FBXO31: variants seen among roughly 807,000 people sequenced by gnomAD.
The protein encoded by FBXO31 is F-box protein 31, also known as F-box only protein 31.
FBXO31 carries 24 observed loss-of-function variants against 54.4 expected under a neutral mutation model. The observed-to-expected ratio is 0.44, with a 90% CI of 0.32 to 0.62. FBXO31 has a LOEUF of 0.62. Among genes scored for constraint, FBXO31 ranks in the 20% least tolerant of loss-of-function variants. The probability of loss-of-function intolerance (pLI) is 0.05; values close to 1 mark genes in which losing one functional copy is unlikely to be tolerated. For synonymous variants in FBXO31, 388 were observed against 335.6 expected (o/e 1.16, Z -1.71); for missense variants, 665 against 787.1 (o/e 0.84, Z 1.86).
chr16:87,360,158 A>G, intron 2 of FBXO31, 137 bp downstream of exon 2: 1 of 758,380 alleles, frequency 1.3e-6, no homozygotes, highest in Non-Finnish European at 2.3e-6. Flanking sequence ...CCAGTGCTCT[A>G]TTCAAAATGT....
At chr16:87,360,404 A>G (rs973262203) in intron 1 of FBXO31, 38 bp from the exon 2 acceptor site, 6 of 1,592,468 alleles carry the variant, frequency 3.8e-6, no homozygotes, top group Admixed American at 3.3e-5. Flanking sequence ...TAAGATCAAC[A>G]ACTCATAACG....
At chr16:87,344,321 C>T (rs577642248) in intron 3 of FBXO31, among the ~76,000 whole-genome samples, 12 of 152,334 alleles carry the variant, frequency 7.9e-5, no homozygotes, top group African/African-American at 1.7e-4. Context: ...GCCAAGACCC[C>T]GGGAGGGGCG....
intron 1 of FBXO31, among the ~76,000 whole-genome samples, chr16:87,368,527 G>A (rs873222): frequency 0.099 from 15,029 of 151,954 alleles, 842 homozygotes; most frequent in East Asian, 0.26. Flanking sequence ...CGGCCAGCAC[G>A]ACCTGTGCTG....
At position 87,346,595 on chromosome 16, in the gene FBXO31, G is replaced by A. The variant is rs923096411; in HGVS notation, c.489+579C>T. Among the ~76,000 whole-genome samples, 6 of 152,200 alleles carry A rather than the reference G, an allele frequency of 3.9e-5. No homozygotes were observed. Among genetic ancestry groups the A allele is most frequent in the African/African-American group, 7.2e-5 (3 of 41,442 alleles). On this transcript the variant is annotated intron_variant, in intron 3 of 8. Transcript: ENST00000311635. This position sits in a 1 kb window ranked among gnomAD's most constrained non-coding sequence, Gnocchi z 4.2. ...AACGGCAAGCAGGCTGCCGGGAGAAGGGAAACGGAGACGACTCTGCCACCA... is the reference window on the plus strand; with the variant it reads ...AACGGCAAGCAGGCTGCCGGGAGAAAGGAAACGGAGACGACTCTGCCACCA...
chr16:87,333,861 G>A (rs1231152168), intron 8 of FBXO31, 25 bp downstream of exon 8: 1 of 1,563,582 alleles, frequency 6.4e-7, no homozygotes. Context: ...CCACCTTCAG[G>A]CCCCAGTACC....
rs536981723 is a variant in FBXO31 at position 87,340,418 on chromosome 16, T to C, written c.732+2459A>G. Among the ~76,000 whole-genome samples, 129 of 152,332 alleles carry C rather than the reference T, an allele frequency of 8.5e-4. 1 individual carries two copies. Among genetic ancestry groups the C allele is most frequent in the Non-Finnish European group, 1.7e-3 (116 of 68,038 alleles). ...CCTAGGACAAAAGCAGCGCTACAAA[T>C]TGATGTAGGAAGTGTGGTTATCACG... On this transcript the variant is annotated intron_variant, in intron 5 of 8. Transcript: ENST00000311635.
At chr16:87,348,825 C>T (rs530174393) in intron 2 of FBXO31, among the ~76,000 whole-genome samples, 207 of 152,314 alleles carry the variant, frequency 1.4e-3, no homozygotes, top group African/African-American at 4.5e-3. Flanking sequence ...GCAGGCCTGG[C>T]GCCTGTGTAC....
At chr16:87,348,278 G>A (rs1258032521) in intron 2 of FBXO31, among the ~76,000 whole-genome samples, 1 of 152,142 alleles carries the variant, frequency 6.6e-6, no homozygotes, top group Admixed American at 6.5e-5. Context: ...GCCCAGCCCA[G>A]CCCCTCTCCG....
In FBXO31 at chr16:87,335,460, G is replaced by A. The variant is rs778836313; in HGVS notation, c.843-3C>T. 3 of 1,611,794 alleles carry A rather than the reference G, an allele frequency of 1.9e-6. No homozygotes were observed. Among genetic ancestry groups the A allele is most frequent in the African/African-American group, 1.3e-5 (1 of 75,050 alleles). On this transcript the variant is annotated splice_region_variant and splice_polypyrimidine_tract_variant and intron_variant, in intron 6 of 8. Coordinates refer to ENST00000311635, the MANE Select transcript of FBXO31 (RefSeq NM_024735.5). This position sits in a 1 kb window ranked among gnomAD's most constrained non-coding sequence, Gnocchi z 5.7. ...TGCGGCGGTAGGTCAGGCAGTTGCT[G>A]TGGGGAGCGGACGGGTCAGTACAGG...
rs1392460849 is a variant in FBXO31, at chr16:87,358,613, T to A, written c.412+1682A>T. On this transcript the variant is annotated intron_variant, in intron 2 of 8. Transcript: ENST00000311635. The surrounding 1 kb of genome is among the most constrained non-coding windows in gnomAD (Gnocchi z 4.0). ...CCAGTGTGATACAATCCCCTCGTGT[T>A]TATGCAGCCACCCAGGACACAGAGA... 1 of 152,486 alleles carries A rather than the reference T, an allele frequency of 6.6e-6. No homozygotes were observed. Among genetic ancestry groups the A allele is most frequent in the African/African-American group, 2.4e-5 (1 of 41,434 alleles). 9.4% of individuals were successfully genotyped at this position (152,486 alleles called of 1,614,324 possible).
At chr16:87,359,973 C>G (rs576200873) in intron 2 of FBXO31, among the ~76,000 whole-genome samples, 1 of 152,354 alleles carries the variant, frequency 6.6e-6, no homozygotes, top group South Asian at 2.1e-4. Flanking sequence ...ATCCTGAAGG[C>G]TGGAGGCCCA....
Position 87,336,322 on chromosome 16 carries a change from C to A in FBXO31, c.733-58G>T. The A allele has an allele frequency of 1.3e-6, 2 of 1,488,708 alleles. No individual in the cohort carries two copies. The highest frequency in any genetic ancestry group is 1.9e-6 in the Non-Finnish European group (2 of 1,071,392). 92.2% of individuals were successfully genotyped at this position (1,488,708 alleles called of 1,614,324 possible). On this transcript the variant is annotated intron_variant, in intron 5 of 8. Transcript: ENST00000311635. This position sits in a 1 kb window ranked among gnomAD's most constrained non-coding sequence, Gnocchi z 6.5. ...ATGACAGGAGGCTGTGAAGAGGCTG[C>A]CGGCTGTGCCGCTGAGAGGACACAG...
chr16:87,386,475 C>A (rs575379488), upstream of FBXO31, among the ~76,000 whole-genome samples: 21 of 152,300 alleles, frequency 1.4e-4, no homozygotes, highest in African/African-American at 5.1e-4. Flanking sequence ...CTCTGTCACC[C>A]AGGCTGGAGT....
chr16:87,356,222 C>T (rs1157539284), intron 2 of FBXO31, among the ~76,000 whole-genome samples: 7 of 147,714 alleles, frequency 4.7e-5, no homozygotes, highest in Admixed American at 2.0e-4. Context: ...GAGTGAGACT[C>T]CATCTCAAAA....
At position 87,345,117 on chromosome 16, in the gene FBXO31, G is replaced by A. The variant is rs1441744398; in HGVS notation, c.490-1352C>T. 6.6e-6 allele frequency among the ~76,000 whole-genome samples: 1 copy of A among 152,200 alleles called. No individual in the cohort carries two copies. The highest frequency in any genetic ancestry group is 1.5e-5 in the Non-Finnish European group (1 of 68,034). ...GAAGAACCTGTGCAGAGGCCACGGG[G>A]AGACAGACACACCCGCCCTCGCTGG... On this transcript the variant is annotated intron_variant, in intron 3 of 8. Transcript: ENST00000311635. The surrounding 1 kb of genome is among the most constrained non-coding windows in gnomAD (Gnocchi z 4.9).
intron 1 of FBXO31, among the ~76,000 whole-genome samples, chr16:87,389,360 C>T (rs1244762470): frequency 6.6e-6 from 1 of 152,124 alleles, no homozygotes; most frequent in African/African-American, 2.4e-5. Context: ...TTCAAAAACA[C>T]GCAGAGTAAC....
chr16:87,368,613 T>C (rs908968317), intron 1 of FBXO31, among the ~76,000 whole-genome samples: 2 of 150,612 alleles, frequency 1.3e-5, no homozygotes, highest in Non-Finnish European at 2.9e-5. Flanking sequence ...GTTTCCTTAC[T>C]AATCTATTTC....
chr16:87,359,625 A>G (rs1219595736), intron 2 of FBXO31, among the ~76,000 whole-genome samples: 22 of 152,254 alleles, frequency 1.4e-4, no homozygotes, highest in Non-Finnish European at 4.4e-5. Context: ...TGGTCAGAAG[A>G]TGAAAACGTG....
intron 1 of FBXO31, among the ~76,000 whole-genome samples, chr16:87,389,323 T>C (rs1031269490): frequency 6.6e-6 from 1 of 152,304 alleles, no homozygotes; most frequent in African/African-American, 2.4e-5. Context: ...AGTGTCAGCT[T>C]TGCAAATGTG....
Sources: gnomAD v4.1 joint callset for allele counts (sites outside exome capture counted in the v4.1 genomes callset) on GRCh38, gnomAD v4.1.1 for gene constraint, Gnocchi (gnomAD v3.1) non-coding constraint, MANE v1.5 for transcripts, NCBI Gene and HGNC (gene_info 2026-07-23, HGNC 2026-07-21) for gene names.